DMKN: variants seen among roughly 807,000 people sequenced by gnomAD.
The protein encoded by DMKN is epidermis-specific secreted protein SK30/SK89.
DMKN carries 58 observed loss-of-function variants against 67.6 expected under a neutral mutation model. The ratio of observed to expected loss-of-function variants is 0.86; its 90% CI spans 0.69 to 1.07. DMKN has a LOEUF of 1.07. Ranked by LOEUF, DMKN falls within the 50% of genes least tolerant of loss-of-function variation. The probability of loss-of-function intolerance (pLI) is 0.00; values close to 1 mark genes in which losing one functional copy is unlikely to be tolerated. For missense variants in DMKN, 596 were observed against 601.5 expected, an observed-to-expected ratio of 0.99 and a Z score of 0.10; for synonymous variants, 240 against 232.3, an observed-to-expected ratio of 1.03 and a Z score of -0.30.
intron 5 of DMKN, among the ~76,000 whole-genome samples, 183 bp downstream of exon 5, chr19:35,511,228 C>T (rs931858640): frequency 2.6e-5 from 4 of 152,154 alleles, no homozygotes; most frequent in East Asian, 1.9e-4. Context: ...AACGATAGTG[C>T]GCGCATCAGG....
At chr19:35,499,622 A>C (rs906035621) in intron 13 of DMKN, among the ~76,000 whole-genome samples, 3 of 152,138 alleles carry the variant, frequency 2.0e-5, no homozygotes, top group African/African-American at 7.2e-5. Flanking sequence ...TGTGAGGAAG[A>C]GCTGCTTGCG....
rs76742696 is a variant in DMKN at position 35,501,183 on chromosome 19, C to A, written c.1240-603G>T. On this transcript the variant is annotated intron_variant, in intron 11 of 15. Transcript: ENST00000339686. ...AAAAGAAGTTCAGTTCCTGCCATCACGGCTTCTCCACTTGGACCGTCCGCC... is the reference window on the plus strand; with the variant it reads ...AAAAGAAGTTCAGTTCCTGCCATCAAGGCTTCTCCACTTGGACCGTCCGCC... Among the ~76,000 whole-genome samples, 285 of 152,262 alleles carry A rather than the reference C, an allele frequency of 1.9e-3. 1 individual carries two copies. The highest frequency in any genetic ancestry group is 6.2e-3 in the African/African-American group (256 of 41,540).
chr19:35,509,784 T>C, intron 7 of DMKN, 127 bp downstream of exon 7: 1 of 1,137,864 alleles, frequency 8.8e-7, no homozygotes, highest in South Asian at 1.5e-5. Context: ...TGGTTTCTTC[T>C]GCCGAAATAG....
rs1032385551 is a variant in DMKN at position 35,509,832 on chromosome 19, G to A, written c.1038+79C>T. 2.6e-6 allele frequency: 4 copies of A among 1,539,970 alleles called. No individual in the cohort carries two copies. The African/African-American group carries it at 4.1e-5, about 16-fold the overall frequency. On this transcript the variant is annotated intron_variant, in intron 7 of 15. Coordinates refer to ENST00000339686, the MANE Select transcript of DMKN (RefSeq NM_033317.5). ...AGACAAGGCAGGAGGGGGTTGAGCA[G>A]AGTTGAGTTAGGAGGAGTGGGCACA... is the stretch of plus-strand genomic sequence containing the variant.
intron 7 of DMKN, chr19:35,507,262 A>AAAGG (rs2069740078): frequency 1.9e-6 from 1 of 516,854 alleles, no homozygotes. Context: ...ATCCAAATCA[A>AAAGG]AAGGAAGGAA....
chr19:35,511,390 C>T, intron 5 of DMKN, 21 bp downstream of exon 5: 1 of 1,606,974 alleles, frequency 6.2e-7, no homozygotes, highest in Non-Finnish European at 8.5e-7. Flanking sequence ...TCTCAGCCTT[C>T]CACAGAGGTG....
chr19:35,505,820 G>A (rs1232713492), intron 8 of DMKN, 55 bp from the exon 9 acceptor site: 42 of 1,613,316 alleles, frequency 2.6e-5, no homozygotes, highest in Admixed American at 5.0e-5. Flanking sequence ...GTAATTGGCC[G>A]AGAGAGGTCA....
chr19:35,511,477 GCCGCC>G lies in DMKN; in HGVS notation c.847_851del (p.Gly283GlnfsTer15). 5.3e-6 allele frequency: 5 copies of G among 942,318 alleles called. No homozygotes were observed. Among genetic ancestry groups the G allele is most frequent in the Non-Finnish European group, 2.8e-6 (2 of 704,942 alleles). 58.4% of individuals were successfully genotyped at this position (942,318 alleles called of 1,614,324 possible). ...TGTTGCCACTGCTGCCACCACTGCT[GCCGCC>G]ACTGCTGCCGCCACTGCTGCTGCCA... On this transcript the variant is annotated frameshift_variant, in exon 5 of 16. Transcript: ENST00000339686. LOFTEE classifies it high-confidence loss of function.
chr19:35,510,821 G>A (rs150920535), intron 5 of DMKN, among the ~76,000 whole-genome samples: 1,871 of 152,336 alleles, frequency 0.012, 20 homozygotes, highest in Middle Eastern at 0.024. Flanking sequence ...CGTCAGCCAA[G>A]GGGTTGGACA....
chr19:35,510,522 T>G, intron 5 of DMKN: 1 of 1,542,598 alleles, frequency 6.5e-7, no homozygotes, highest in Non-Finnish European at 8.7e-7. Context: ...TGGGAACCCC[T>G]GGAGCCCGGC....
chr19:35,508,372 C>T, intron 7 of DMKN: 1 of 1,031,298 alleles, frequency 9.7e-7, no homozygotes, highest in Non-Finnish European at 1.4e-6. Flanking sequence ...GGTCCAAACA[C>T]TGACATTTTT....
Position 35,499,460 on chromosome 19 carries a change from C to T in DMKN, c.1359+498G>A, listed in dbSNP as rs78872720. ...GCAACGGAATAAAACCAAATTCTCA[C>T]GTATTTTTTCTTTTCATTTCCTTTG... On this transcript the variant is annotated intron_variant, in intron 13 of 15. Coordinates refer to ENST00000339686, the MANE Select transcript of DMKN (RefSeq NM_033317.5). 6.0e-3 allele frequency among the ~76,000 whole-genome samples: 920 copies of T among 152,306 alleles called. 6 individuals are homozygous for T. Among genetic ancestry groups the T allele is most frequent in the African/African-American group, 0.021 (855 of 41,572 alleles).
chr19:35,510,686 C>T (rs1313627855), intron 5 of DMKN, among the ~76,000 whole-genome samples: 1 of 152,210 alleles, frequency 6.6e-6, no homozygotes, highest in Non-Finnish European at 1.5e-5. Context: ...CGCATGAGAG[C>T]AGCTCAGGTT....
At chr19:35,506,036 CAG>C in intron 7 of DMKN, 50 bp from the exon 8 acceptor site, 1 of 1,613,842 alleles carries the variant, frequency 6.2e-7, no homozygotes, top group East Asian at 2.2e-5. Context: ...CTTTGTGAGC[CAG>C]AGTCGGGAGA....
intron 12 of DMKN, 48 bp from the exon 13 acceptor site, chr19:35,500,077 T>A (rs748348779): frequency 1.2e-6 from 2 of 1,604,400 alleles, no homozygotes; most frequent in Admixed American, 3.3e-5. Context: ...ACGAAGGCCA[T>A]TTTGCTCTGG....
intron 7 of DMKN, chr19:35,507,290 G>C: frequency 1.8e-6 from 1 of 563,636 alleles, no homozygotes; most frequent in Non-Finnish European, 3.1e-6. Context: ...ATGAACCAAA[G>C]ATGGAGATGG....
At chr19:35,502,965 C>G in intron 9 of DMKN, 79 bp from the exon 10 acceptor site, 1 of 1,450,396 alleles carries the variant, frequency 6.9e-7, no homozygotes, top group Non-Finnish European at 9.4e-7. Flanking sequence ...ACTGCCCTAT[C>G]TCAACCTTCA....
chr19:35,500,250 C>T lies in DMKN; in HGVS notation c.1288-221G>A, dbSNP rs574711756. On this transcript the variant is annotated intron_variant, in intron 12 of 15. Transcript: ENST00000339686. Reference sequence around the variant, plus strand: ...CTAGCCCAAATGGCCGCCGCCTCCTCCTCCTACTCCTCCTCCTGCCCTCAA... The same window carrying T: ...CTAGCCCAAATGGCCGCCGCCTCCTTCTCCTACTCCTCCTCCTGCCCTCAA... 44 of 1,368,708 alleles carry T rather than the reference C, an allele frequency of 3.2e-5. No individual in the cohort carries two copies. The African/African-American group carries it at 4.9e-4, about 15-fold the overall frequency. The allele number at this position is 1,368,708 out of a possible 1,614,324, so 84.8% of individuals were successfully genotyped here.
intron 1 of DMKN, 22 bp from the exon 2 acceptor site, chr19:35,512,812 A>T: frequency 6.2e-7 from 1 of 1,607,038 alleles, no homozygotes. Context: ...ACATACCTGC[A>T]CTTAGTGGGA....
Sources: gnomAD v4.1 joint callset for allele counts (sites outside exome capture counted in the v4.1 genomes callset) on GRCh38, gnomAD v4.1.1 for gene constraint, MANE v1.5 for transcripts, NCBI Gene and HGNC (gene_info 2026-07-23, HGNC 2026-07-21) for gene names.